Variants in ZNF638 observed in about 807,000 individuals in gnomAD.
ZNF638 encodes the protein CTCL tumor antigen se33-1.
ZNF638 carries 46 observed loss-of-function variants against 195.6 expected under a neutral mutation model. The ratio of observed to expected loss-of-function variants is 0.24; its 90% CI spans 0.19 to 0.30. The LOEUF is 0.30. ZNF638 is among the 10% of genes least tolerant of loss of function. The pLI, the probability that ZNF638 is intolerant of heterozygous loss-of-function variation, is 1.00. For synonymous variants in ZNF638, 845 were observed against 772.0 expected, an observed-to-expected ratio of 1.09 and a Z score of -1.57; for missense variants, 2,440 against 2,325.3, an observed-to-expected ratio of 1.05 and a Z score of -1.01.
intron 20 of ZNF638, among the ~76,000 whole-genome samples, chr2:71,410,251 G>A (rs2080185100): frequency 6.6e-6 from 1 of 152,172 alleles, no homozygotes; most frequent in Non-Finnish European, 1.5e-5. Flanking sequence ...GTTCAATCAT[G>A]GCCCACATGA....
intron 1 of ZNF638, among the ~76,000 whole-genome samples, chr2:71,332,679 A>C (rs2078593978): frequency 6.6e-6 from 1 of 152,224 alleles, no homozygotes; most frequent in South Asian, 2.1e-4. Flanking sequence ...TATATCACAG[A>C]CTGGAATCCT....
chr2:71,377,483 G>A (rs913117289), intron 8 of ZNF638, among the ~76,000 whole-genome samples: 8 of 152,190 alleles, frequency 5.3e-5, no homozygotes, highest in African/African-American at 1.9e-4. Context: ...GAATATTTGA[G>A]CATTACAGAA....
intron 26 of ZNF638, among the ~76,000 whole-genome samples, chr2:71,432,922 T>C (rs568996557): frequency 1.3e-5 from 2 of 152,324 alleles, no homozygotes; most frequent in African/African-American, 4.8e-5. Flanking sequence ...AACCCATCTC[T>C]ACTAAAAGTA....
chr2:71,388,546 A>G, intron 10 of ZNF638: 1 of 731,350 alleles, frequency 1.4e-6, no homozygotes. Context: ...CGGCGTCTCT[A>G]AGGCCGAGCA....
rs932474691 is a variant in ZNF638 at position 71,406,017 on chromosome 2, C to T, written c.3001-111C>T. On this transcript the variant is annotated intron_variant, in intron 18 of 27. Coordinates refer to ENST00000264447, the MANE Select transcript of ZNF638 (RefSeq NM_014497.5). ...TCCCCCATGTAGTCATTTTCTTACT[C>T]TTGGGAGAGAACATCATCTGACCTC... 20 of 1,297,370 alleles carry T rather than the reference C, an allele frequency of 1.5e-5. No individual in the cohort carries two copies. In the African/African-American group the frequency reaches 2.3e-4, roughly 15 times the overall value. The allele number at this position is 1,297,370 out of a possible 1,614,324, so 80.4% of individuals were successfully genotyped here.
chr2:71,342,290 G>A (rs2078775309), intron 1 of ZNF638, among the ~76,000 whole-genome samples: 2 of 149,046 alleles, frequency 1.3e-5, no homozygotes, highest in African/African-American at 4.9e-5. Flanking sequence ...CTTCAGAAAT[G>A]TAAAAAAAGC....
intron 20 of ZNF638, 125 bp from the exon 21 acceptor site, chr2:71,418,477 C>T (rs1347450466): frequency 1.7e-6 from 1 of 599,696 alleles, no homozygotes; most frequent in Non-Finnish European, 2.7e-6. Context: ...TGAAAACTAG[C>T]TGCTTTGATA....
At chr2:71,371,152 A>G (rs1055699904) in intron 8 of ZNF638, among the ~76,000 whole-genome samples, 2 of 152,168 alleles carry the variant, frequency 1.3e-5, no homozygotes, top group African/African-American at 4.8e-5. Flanking sequence ...AGTTTCATCC[A>G]TGTTATTTTA....
At chr2:71,340,688 T>TG (rs912009400) in intron 1 of ZNF638, among the ~76,000 whole-genome samples, 3 of 152,146 alleles carry the variant, frequency 2.0e-5, no homozygotes, top group African/African-American at 4.8e-5. Context: ...TTTTTCTTTT[T>TG]GGGGGGCGGA....
intron 8 of ZNF638, 87 bp downstream of exon 8, chr2:71,370,092 G>A: frequency 7.2e-7 from 1 of 1,396,092 alleles, no homozygotes; most frequent in Non-Finnish European, 9.8e-7. Context: ...ATAGAAATAG[G>A]CATAGAAACA....
At position 71,428,588 on chromosome 2, in the gene ZNF638, C is replaced by T; in HGVS notation, c.5587C>T (p.Pro1863Ser). Residue 1863 changes from proline to serine, a missense_variant, in exon 25 of 28, where the codon CCA (proline) becomes TCA (serine). Pro to Ser is a moderately conservative substitution (Grantham distance 74). Transcript: ENST00000264447. ...TKRVRIGKTL[P>S]SEKAVVTEPA... ...GAGAGTTAGAATTGGGAAAACTCTG[C>T]CATCAGAAAAAGCTGTTGTGACAGA... 6.2e-7 allele frequency: 1 copy of T among 1,613,914 alleles called. No individual in the cohort carries two copies. Among genetic ancestry groups the T allele is most frequent in the South Asian group, 1.1e-5 (1 of 91,060 alleles).
chr2:71,380,617 G>C, intron 10 of ZNF638, 52 bp downstream of exon 10: 1 of 1,457,076 alleles, frequency 6.9e-7, no homozygotes, highest in South Asian at 1.2e-5. Context: ...TGTCAGTTTA[G>C]TAGAAACTTA....
intron 25 of ZNF638, 108 bp downstream of exon 25, chr2:71,428,759 A>G (rs112200432): frequency 3.0e-5 from 28 of 919,748 alleles, no homozygotes; most frequent in African/African-American, 1.7e-4. Context: ...GGAATAGAGC[A>G]GGGGTGGGAA....
At chr2:71,396,063 T>C in intron 10 of ZNF638, 78 bp from the exon 11 acceptor site, 1 of 1,348,150 alleles carries the variant, frequency 7.4e-7, no homozygotes, top group Non-Finnish European at 1.1e-6. Flanking sequence ...TTCGAAATTA[T>C]TGCTAGGTTG....
At position 71,366,937 on chromosome 2, in the gene ZNF638, A is replaced by G. The variant is rs867639303; in HGVS notation, c.1995+1231A>G. Among the ~76,000 whole-genome samples the G allele has an allele frequency of 4.6e-5, 7 of 152,184 alleles. 1 individual carries two copies. Among genetic ancestry groups the G allele is most frequent in the South Asian group, 4.1e-4 (2 of 4,834 alleles). On this transcript the variant is annotated intron_variant, in intron 6 of 27. Transcript: ENST00000264447. ...TTCAGAGAAAATCCTAATAGGCCCA[A>G]TATCAAATATTTTGTATATTTTAAT...
chr2:71,395,359 T>G, intron 10 of ZNF638: 1 of 711,848 alleles, frequency 1.4e-6, no homozygotes. Context: ...GGGGGAGATG[T>G]AGGAGATCAG....
intron 27 of ZNF638, 199 bp downstream of exon 27, chr2:71,433,482 T>A (rs898858191): frequency 7.9e-6 from 4 of 503,774 alleles, no homozygotes; most frequent in African/African-American, 7.7e-5. Context: ...ACAGCAACAT[T>A]TGCCAGAGTA....
At chr2:71,417,482 C>T (rs771290759) in intron 20 of ZNF638, among the ~76,000 whole-genome samples, 1 of 152,196 alleles carries the variant, frequency 6.6e-6, no homozygotes, top group Non-Finnish European at 1.5e-5. Flanking sequence ...TGTTCCTATT[C>T]GGCCATCTTG....
rs547793468 is a variant in ZNF638 at position 71,363,911 on chromosome 2, A to G, written c.1419-43A>G. On this transcript the variant is annotated intron_variant, in intron 4 of 27. Transcript: ENST00000264447. The stretch of plus-strand genomic sequence containing the variant: ...GTCATTTATTATCATTTAAATTTAC[A>G]TTAAATTGCTGATCACTTTCTTTTC... The G allele has an allele frequency of 2.6e-5, 41 of 1,560,506 alleles. 1 individual carries two copies. In the South Asian group the frequency reaches 4.3e-4, roughly 16 times the overall value.
Sources: gnomAD v4.1 joint callset for allele counts (sites outside exome capture counted in the v4.1 genomes callset) on GRCh38, gnomAD v4.1.1 for gene constraint, MANE v1.5 for transcripts, NCBI Gene and HGNC (gene_info 2026-07-23, HGNC 2026-07-21) for gene names.